Variants in BLTP1 observed in about 807,000 individuals in gnomAD.
BLTP1 encodes fragile site-associated protein.
chr4:122,230,255 G>GA, the BLTP1 span: 6 of 1,510,706 alleles, frequency 4.0e-6, no homozygotes, highest in East Asian at 2.3e-5. Flanking sequence ...CTGTTCAGAT[G>GA]AAAAAAACTA....
At chr4:122,224,178 T>G in the BLTP1 span, 1 of 747,570 alleles carries the variant, frequency 1.3e-6, no homozygotes, top group Non-Finnish European at 1.6e-6. Context: ...AAGACTGGTC[T>G]CTTGTATTCC....
chr4:122,249,730 C>A, the BLTP1 span: 2 of 1,601,388 alleles, frequency 1.2e-6, no homozygotes, highest in South Asian at 1.1e-5. Flanking sequence ...CAAATATGTC[C>A]TATATTGCAG....
At chr4:122,339,876 A>G in the BLTP1 span, among the ~76,000 whole-genome samples, 2 of 152,198 alleles carry the variant, frequency 1.3e-5, no homozygotes, top group Non-Finnish European at 2.9e-5. Flanking sequence ...TTAAATGGCA[A>G]ATTTGGTTAT....
the BLTP1 span, chr4:122,247,125 G>C: frequency 6.3e-7 from 1 of 1,582,986 alleles, no homozygotes; most frequent in Middle Eastern, 1.7e-4. Flanking sequence ...TTATTTAAAT[G>C]TTAAACATTT....
chr4:122,214,366 A>G, the BLTP1 span: 3 of 943,738 alleles, frequency 3.2e-6, no homozygotes, highest in African/African-American at 1.8e-5. Context: ...AAATTTGACA[A>G]AAGAACACAT....
chr4:122,287,546 C>G, the BLTP1 span: 1 of 985,004 alleles, frequency 1.0e-6, no homozygotes. Context: ...TGTGTCTCAG[C>G]TTACCTTGTC....
chr4:122,153,194 C>CTTA, the BLTP1 span: 1 of 196,680 alleles, frequency 5.1e-6, no homozygotes, highest in African/African-American at 2.6e-5. Flanking sequence ...TCCTGTTGGC[C>CTTA]TTAGTGTTGA....
At chr4:122,277,202 A>T in the BLTP1 span, 2 of 460,420 alleles carry the variant, frequency 4.3e-6, no homozygotes, top group Non-Finnish European at 5.7e-6. Flanking sequence ...TTAGCTGGGC[A>T]TGGTGGCACG....
At chr4:122,321,245 C>T in the BLTP1 span, among the ~76,000 whole-genome samples, 52 of 152,110 alleles carry the variant, frequency 3.4e-4, no homozygotes, top group Non-Finnish European at 5.9e-4. Context: ...CATCTGTACA[C>T]GTATAATTAA....
chr4:122,313,107 GA>G, the BLTP1 span: 1 of 155,380 alleles, frequency 6.4e-6, no homozygotes, highest in East Asian at 1.9e-4. Context: ...CCATGATCTT[GA>G]GATTGACATC....
At chr4:122,300,803 A>G in the BLTP1 span, 1 of 522,366 alleles carries the variant, frequency 1.9e-6, no homozygotes, top group Non-Finnish European at 2.5e-6. Flanking sequence ...TGTAAGAAAG[A>G]ATATTTGAAA....
the BLTP1 span, among the ~76,000 whole-genome samples, chr4:122,196,206 C>T: frequency 6.6e-6 from 1 of 152,106 alleles, no homozygotes; most frequent in African/African-American, 2.4e-5. Context: ...TGTGTCTTAC[C>T]ATTTAAACCT....
chr4:122,331,094 A>G, the BLTP1 span: 3 of 963,746 alleles, frequency 3.1e-6, no homozygotes, highest in East Asian at 2.3e-4. Flanking sequence ...CAGACTCCTT[A>G]AAAGTGGTGA....
chr4:122,306,132 A>G, the BLTP1 span: 2 of 1,301,066 alleles, frequency 1.5e-6, no homozygotes, highest in Non-Finnish European at 2.1e-6. Flanking sequence ...TACTGGTGTA[A>G]ATGCTTGACA....
At chr4:122,246,437 TG>T in the BLTP1 span, 1 of 1,054,472 alleles carries the variant, frequency 9.5e-7, no homozygotes, top group Non-Finnish European at 1.3e-6. Context: ...TATGATCTAA[TG>T]TAGATCTAAT....
chr4:122,340,738 G>A, the BLTP1 span: 1 of 984,966 alleles, frequency 1.0e-6, no homozygotes, highest in Non-Finnish European at 1.2e-6. Flanking sequence ...TATTGCTGTT[G>A]GAGTTGTGTT....
chr4:122,153,806 G>A, the BLTP1 span, among the ~76,000 whole-genome samples: 8 of 152,152 alleles, frequency 5.3e-5, no homozygotes, highest in Non-Finnish European at 1.2e-4. Context: ...AGTGGTTTTG[G>A]AGTCTTTGGA....
the BLTP1 span, among the ~76,000 whole-genome samples, chr4:122,223,464 A>C: frequency 6.6e-6 from 1 of 152,194 alleles, no homozygotes. Flanking sequence ...TTTTGTGGTC[A>C]CTGTTAGGTG....
the BLTP1 span, chr4:122,235,527 C>G: frequency 1.0e-6 from 1 of 971,876 alleles, no homozygotes; most frequent in African/African-American, 1.8e-5. Flanking sequence ...TAACTCTGGC[C>G]GGGCGTGGTG....
Sources: gnomAD v4.1 joint callset for allele counts (sites outside exome capture counted in the v4.1 genomes callset) on GRCh38, gnomAD v4.1.1 for gene constraint, MANE v1.5 for transcripts, NCBI Gene and HGNC (gene_info 2026-07-23, HGNC 2026-07-21) for gene names.